The following DCC variants were observed in gnomAD, a reference collection of about 807,000 sequenced individuals.
DCC encodes the protein netrin receptor DCC.
DCC carries 58 observed loss-of-function variants against 172.5 expected under a neutral mutation model. The ratio of observed to expected loss-of-function variants is 0.34; its 90% CI spans 0.27 to 0.42. The LOEUF is 0.42. Among genes scored for constraint, DCC ranks in the 10% least tolerant of loss-of-function variants. The pLI is 1.00. For missense variants in DCC, 1,740 were observed against 1,791.0 expected (o/e 0.97, Z 0.51); for synonymous variants, 709 against 644.5 (o/e 1.10, Z -1.52).
chr18:52,542,029 A>G (rs1164373496), intron 1 of DCC, among the ~76,000 whole-genome samples: 4 of 147,804 alleles, frequency 2.7e-5, no homozygotes, highest in Admixed American at 2.0e-4. Context: ...ATATATAATA[A>G]ATATATATAT....
intron 1 of DCC, among the ~76,000 whole-genome samples, chr18:52,444,070 T>A (rs1988050082): frequency 6.6e-6 from 1 of 152,174 alleles, no homozygotes; most frequent in Non-Finnish European, 1.5e-5. Flanking sequence ...GAACCTGGAC[T>A]GACTGTGACC....
At chr18:53,230,094 G>T (rs1397321794) in intron 12 of DCC, among the ~76,000 whole-genome samples, 1 of 152,000 alleles carries the variant, frequency 6.6e-6, no homozygotes, top group African/African-American at 2.4e-5. Context: ...TCAGAAAATG[G>T]TTCCTCCATC....
chr18:53,416,666 A>T (rs557261167), intron 21 of DCC: 1 of 180,652 alleles, frequency 5.5e-6, no homozygotes, highest in East Asian at 1.5e-4. Flanking sequence ...GAAAGCTCTT[A>T]TTCAGTGAAT....
At chr18:53,486,477 T>TAA (rs1170575768) in intron 25 of DCC, among the ~76,000 whole-genome samples, 1 of 152,142 alleles carries the variant, frequency 6.6e-6, no homozygotes, top group Admixed American at 6.5e-5. Flanking sequence ...AAAGAAAGAC[T>TAA]AAGACCAAGA....
intron 5 of DCC, among the ~76,000 whole-genome samples, chr18:53,040,745 A>G (rs2042157887): frequency 6.6e-6 from 1 of 151,940 alleles, no homozygotes; most frequent in South Asian, 2.1e-4. Context: ...GATCTGGCAA[A>G]CTAATCAAGG....
intron 1 of DCC, among the ~76,000 whole-genome samples, chr18:52,585,874 G>T (rs558001008): frequency 6.6e-6 from 1 of 152,064 alleles, no homozygotes; most frequent in African/African-American, 2.4e-5. Flanking sequence ...ACGAGGTTAG[G>T]TGATCAAGAC....
intron 2 of DCC, among the ~76,000 whole-genome samples, chr18:52,879,878 A>C (rs565295170): frequency 6.6e-6 from 1 of 152,108 alleles, no homozygotes; most frequent in East Asian, 1.9e-4. Flanking sequence ...GTCAGGAAAT[A>C]TTTTTCATTT....
At chr18:53,237,188 A>G (rs2056217714) in intron 12 of DCC, 1 of 154,116 alleles carries the variant, frequency 6.5e-6, no homozygotes, top group Admixed American at 6.6e-5. Context: ...ACCCAGTAGA[A>G]TCTAGCTCAT....
At chr18:52,756,697 C>T (rs936857287) in intron 2 of DCC, among the ~76,000 whole-genome samples, 2 of 152,168 alleles carry the variant, frequency 1.3e-5, no homozygotes, top group Non-Finnish European at 2.9e-5. Context: ...TGGCCAAGCA[C>T]ATCTTCCCTA....
At chr18:52,723,983 C>T (rs377540087) in intron 1 of DCC, among the ~76,000 whole-genome samples, 25 of 152,212 alleles carry the variant, frequency 1.6e-4, no homozygotes, top group African/African-American at 5.1e-4. Context: ...GTTGATTCTG[C>T]AAGCTGAAAC....
intron 7 of DCC, among the ~76,000 whole-genome samples, chr18:53,095,742 C>CT (rs903708444): frequency 2.1e-5 from 3 of 145,658 alleles, no homozygotes; most frequent in East Asian, 2.1e-4. Flanking sequence ...TCCGTAATGT[C>CT]TTTTTTTACC....
At chr18:53,099,930 CT>C (rs761066010) in intron 7 of DCC, among the ~76,000 whole-genome samples, 1,398 of 89,096 alleles carry the variant, frequency 0.016, 15 homozygotes, top group Non-Finnish European at 0.025. Context: ...CTTTTCTTTT[CT>C]TTTCTTTCTT....
At chr18:52,501,129 G>A (rs996391101) in intron 1 of DCC, among the ~76,000 whole-genome samples, 6 of 152,222 alleles carry the variant, frequency 3.9e-5, no homozygotes, top group African/African-American at 7.2e-5. Flanking sequence ...ATCTTCGCAC[G>A]TTGGTAATTT....
intron 2 of DCC, among the ~76,000 whole-genome samples, chr18:52,870,276 G>T (rs1005914194): frequency 1.3e-5 from 2 of 152,160 alleles, no homozygotes; most frequent in Non-Finnish European, 2.9e-5. Flanking sequence ...GTGGGGGTGG[G>T]GGCTGTGCAG....
At chr18:52,928,693 G>T (rs1220527067) in intron 5 of DCC, among the ~76,000 whole-genome samples, 5 of 152,146 alleles carry the variant, frequency 3.3e-5, no homozygotes, top group Non-Finnish European at 7.4e-5. Flanking sequence ...CGTAGGTCGA[G>T]CCCATTAGAT....
At chr18:52,719,533 G>T (rs2036440761) in intron 1 of DCC, among the ~76,000 whole-genome samples, 1 of 151,054 alleles carries the variant, frequency 6.6e-6, no homozygotes, top group Non-Finnish European at 1.5e-5. Flanking sequence ...TGAGTGTAGA[G>T]CAGCAAAATA....
chr18:53,451,290 A>G (rs896882475), intron 23 of DCC, among the ~76,000 whole-genome samples: 5 of 152,266 alleles, frequency 3.3e-5, no homozygotes, highest in Non-Finnish European at 7.3e-5. Context: ...AGGTTCTAGC[A>G]GATGCAGAGA....
chr18:52,909,419 T>A (rs146535512), intron 3 of DCC, among the ~76,000 whole-genome samples: 1 of 152,262 alleles, frequency 6.6e-6, no homozygotes, highest in Non-Finnish European at 1.5e-5. Context: ...TTGCTTTAGT[T>A]TGAGATGTAG....
intron 1 of DCC, among the ~76,000 whole-genome samples, chr18:52,585,544 T>G (rs1392860716): frequency 6.6e-6 from 1 of 152,178 alleles, no homozygotes; most frequent in Non-Finnish European, 1.5e-5. Flanking sequence ...TTTAGATTGG[T>G]TTCCAGTCAG....
Sources: allele counts gnomAD v4.1 joint callset (sites outside exome capture counted in the v4.1 genomes callset), GRCh38; gene constraint gnomAD v4.1.1; transcripts MANE v1.5; gene names NCBI Gene and HGNC (gene_info 2026-07-23, HGNC 2026-07-21).